JPT1: variants seen among roughly 807,000 people sequenced by gnomAD.
JPT1 encodes the protein Jupiter microtubule associated homolog 1, also known as androgen-regulated protein 2.
A neutral mutation model predicts 17.0 loss-of-function variants in JPT1; 5 were observed. The ratio of observed to expected loss-of-function variants is 0.29; its 90% CI spans 0.15 to 0.62. JPT1 has a LOEUF of 0.62. Ranked by LOEUF, JPT1 falls within the 20% of genes least tolerant of loss-of-function variation. The pLI is 0.85. For missense variants in JPT1, 158 were observed against 188.1 expected, an observed-to-expected ratio of 0.84 and a Z score of 0.94; for synonymous variants, 71 against 73.6, an observed-to-expected ratio of 0.96 and a Z score of 0.18.
At chr17:75,142,768 A>G (rs1398546037) in intron 4 of JPT1, 1 of 456,382 alleles carries the variant, frequency 2.2e-6, no homozygotes, top group Non-Finnish European at 4.4e-6. Flanking sequence ...TTTTACCTCC[A>G]GAAGTCTTTC....
rs1229269180 is a variant in JPT1, at chr17:75,135,255, A to G, written c.*847T>C. 2.0e-5 allele frequency: 3 copies of G among 152,696 alleles called. No individual in the cohort carries two copies. The highest frequency in any genetic ancestry group is 6.5e-5 in the Admixed American group (1 of 15,276). 9.5% of individuals were successfully genotyped at this position (152,696 alleles called of 1,614,324 possible). A position where few individuals can be genotyped will look rare whatever the true frequency, so the allele number is the denominator to read the frequency against. ...AAGACACAGTACACAGTGTTTCAAAATGTGGATATTGTTTACTTGAAGCAA... is the reference window on the plus strand; with the variant it reads ...AAGACACAGTACACAGTGTTTCAAAGTGTGGATATTGTTTACTTGAAGCAA... On this transcript the variant is annotated 3_prime_UTR_variant, in exon 5 of 5. Transcript: ENST00000409753.
At chr17:75,136,371 TAAAC>T (rs2074198087) in intron 4 of JPT1, 121 bp from the exon 5 acceptor site, 1 of 895,082 alleles carries the variant, frequency 1.1e-6, no homozygotes, top group African/African-American at 1.7e-5. Context: ...CCTAAAAGCA[TAAAC>T]AAAATAATCA....
intron 1 of JPT1, among the ~76,000 whole-genome samples, chr17:75,149,975 T>C (rs188757794): frequency 1.3e-3 from 199 of 152,320 alleles, no homozygotes; most frequent in Non-Finnish European, 2.2e-3. Context: ...TACATACTTG[T>C]ACCTCACTAT....
At chr17:75,138,457 G>A (rs1427772758) in intron 4 of JPT1, 1 of 148,882 alleles carries the variant, frequency 6.7e-6, no homozygotes, top group Non-Finnish European at 1.5e-5. Context: ...CGCCCAGACT[G>A]GAGTAAAGTA....
chr17:75,139,308 T>G (rs925560235), intron 4 of JPT1, among the ~76,000 whole-genome samples: 2 of 152,176 alleles, frequency 1.3e-5, no homozygotes, highest in Non-Finnish European at 2.9e-5. Context: ...ATGAACATTC[T>G]GAAGAACAAA....
chr17:75,140,780 A>T (rs2074293076), intron 4 of JPT1, among the ~76,000 whole-genome samples: 1 of 151,924 alleles, frequency 6.6e-6, no homozygotes, highest in Non-Finnish European at 1.5e-5. Context: ...AACATAGCAA[A>T]ACCCTGTCTC....
At chr17:75,142,701 GGGAAGGGAGA>G in intron 4 of JPT1, 1 of 441,258 alleles carries the variant, frequency 2.3e-6, no homozygotes, top group Non-Finnish European at 4.5e-6. Flanking sequence ...GGGAGGGGAG[GGGAAGGGAGA>G]GGAGGGAAGA....
At chr17:75,146,605 G>A (rs2074440402) in intron 4 of JPT1, 61 bp downstream of exon 4, 6 of 1,274,256 alleles carry the variant, frequency 4.7e-6, no homozygotes, top group Non-Finnish European at 6.6e-6. Flanking sequence ...TTTAAATCAA[G>A]ATTCAGATCT....
At chr17:75,144,822 C>G (rs1189879864) in intron 4 of JPT1, among the ~76,000 whole-genome samples, 4 of 152,022 alleles carry the variant, frequency 2.6e-5, no homozygotes, top group Non-Finnish European at 5.9e-5. Flanking sequence ...GGGGAGAAAC[C>G]CCCCATATTT....
At chr17:75,147,529 T>A in intron 3 of JPT1, 27 bp downstream of exon 3, 1 of 1,522,734 alleles carries the variant, frequency 6.6e-7, no homozygotes, top group Non-Finnish European at 9.1e-7. Context: ...CCTGAAAGCC[T>A]TTCTGGCCTC....
chr17:75,136,189 A>G lies in JPT1; in HGVS notation c.378T>C (p.Ala126=), dbSNP rs2145152856. 3.1e-6 allele frequency: 5 copies of G among 1,613,960 alleles called. No individual in the cohort carries two copies. The East Asian group carries it at 8.9e-5, about 29-fold the overall frequency. Residue 126 remains alanine, a synonymous_variant, in exon 5 of 5, where the codon GCT becomes GCC. Coordinates refer to ENST00000409753, the MANE Select transcript of JPT1 (RefSeq NM_016185.4). ...LGQSEEKPVP[A]APVPSPVAPA... ...GGGCCACCGGGCTGGGCACAGGCGC[A>G]GCAGGCACGGGCTTCTCTTCACTCT...
intron 4 of JPT1, chr17:75,146,422 A>G (rs994616233): frequency 2.6e-6 from 1 of 385,408 alleles, no homozygotes; most frequent in Non-Finnish European, 4.7e-6. Flanking sequence ...CAAAGTGTTG[A>G]GATTACAGGC....
chr17:75,146,567 CTCCCCAGTCTCTT>C, intron 4 of JPT1, 86 bp downstream of exon 4: 3 of 890,460 alleles, frequency 3.4e-6, no homozygotes, highest in Non-Finnish European at 5.2e-6. Context: ...CCAGGTTTCA[CTCCCCAGTCTCTT>C]TCCCCAAGAC....
rs2074483846 is a variant in JPT1, at chr17:75,148,513, C to T, written c.199+16G>A. 2 of 1,613,776 alleles carry T rather than the reference C, an allele frequency of 1.2e-6. No individual in the cohort carries two copies. Among genetic ancestry groups the T allele is most frequent in the Non-Finnish European group, 1.7e-6 (2 of 1,179,970 alleles). On this transcript the variant is annotated intron_variant, in intron 2 of 4. Transcript: ENST00000409753. ...GGCCCATCCCTTTGAACAGTGAGCA[C>T]AGATAACAAGAGTACCTGCTGACTT...
At chr17:75,148,798 G>T in intron 1 of JPT1, 127 bp from the exon 2 acceptor site, 2 of 1,116,038 alleles carry the variant, frequency 1.8e-6, no homozygotes, top group Non-Finnish European at 2.5e-6. Context: ...ACAGATAGCT[G>T]CTAACAGGAA....
At chr17:75,138,974 TGAC>T (rs1382471167) in intron 4 of JPT1, among the ~76,000 whole-genome samples, 1 of 152,206 alleles carries the variant, frequency 6.6e-6, no homozygotes, top group Non-Finnish European at 1.5e-5. Context: ...CTTTTCAGAA[TGAC>T]AACTGTCACA....
At chr17:75,151,042 CG>C (rs1294220319) in intron 1 of JPT1, among the ~76,000 whole-genome samples, 2 of 151,568 alleles carry the variant, frequency 1.3e-5, no homozygotes, top group East Asian at 2.0e-4. Flanking sequence ...TTAGTAGAGA[CG>C]GGGTTTCACC....
At chr17:75,144,352 AAAG>A in intron 4 of JPT1, among the ~76,000 whole-genome samples, 1 of 152,088 alleles carries the variant, frequency 6.6e-6, no homozygotes, top group Non-Finnish European at 1.5e-5. Context: ...CTCTACAAAA[AAAG>A]AAAAAAAATT....
Position 75,147,545 on chromosome 17 carries a change from G to C in JPT1, c.297+11C>G, listed in dbSNP as rs755201777. 1 of 1,597,684 alleles carries C rather than the reference G, an allele frequency of 6.3e-7. No individual in the cohort carries two copies. Among genetic ancestry groups the C allele is most frequent in the Admixed American group, 1.7e-5 (1 of 59,974 alleles). The stretch of plus-strand genomic sequence containing the variant: ...CTGAAAGCCTTTCTGGCCTCATGCT[G>C]TCACACTGACCTTCAGATCTAAGAA... On this transcript the variant is annotated intron_variant, in intron 3 of 4. Coordinates refer to ENST00000409753, the MANE Select transcript of JPT1 (RefSeq NM_016185.4).
Sources: allele counts gnomAD v4.1 joint callset (sites outside exome capture counted in the v4.1 genomes callset), GRCh38; gene constraint gnomAD v4.1.1; transcripts MANE v1.5; gene names NCBI Gene and HGNC (gene_info 2026-07-23, HGNC 2026-07-21).